The following RNF150 variants were observed in gnomAD, a reference collection of about 807,000 sequenced individuals.
RNF150 encodes the protein ring finger protein 150.
A neutral mutation model predicts 39.3 loss-of-function variants in RNF150; 24 were observed. That is an observed-to-expected ratio of 0.61 (90% CI 0.44 to 0.86). The LOEUF is 0.86. Ranked by LOEUF, RNF150 falls within the 40% of genes least tolerant of loss-of-function variation. The probability of loss-of-function intolerance (pLI) is 0.00; values close to 1 mark genes in which losing one functional copy is unlikely to be tolerated. For synonymous variants in RNF150, 255 were observed against 227.3 expected (o/e 1.12, Z -1.10); for missense variants, 502 against 587.8 (o/e 0.85, Z 1.51).
At chr4:141,180,761 C>T (rs1406444730) in intron 1 of RNF150, among the ~76,000 whole-genome samples, 2 of 152,242 alleles carry the variant, frequency 1.3e-5, no homozygotes, top group South Asian at 2.1e-4. Context: ...CAAAAGACTT[C>T]ATCTTTCTTT....
At position 141,133,115 on chromosome 4, in the gene RNF150, T is replaced by C; in HGVS notation, c.-307A>G. 1 of 317,208 alleles carries C rather than the reference T, an allele frequency of 3.2e-6. No individual in the cohort carries two copies. The highest frequency in any genetic ancestry group is 5.9e-6 in the Non-Finnish European group (1 of 170,318). The allele number at this position is 317,208 out of a possible 1,614,324, so 19.6% of individuals were successfully genotyped here. ...GTCCTGCTGCCGAGCGTCCTGCTCC[T>C]TCGCCCGGCTTCGCCTTCTCTCATA... On this transcript the variant is annotated 5_prime_UTR_variant, in exon 1 of 7. Transcript: ENST00000515673.
chr4:140,872,336 T>C (rs1728979668), intron 6 of RNF150, among the ~76,000 whole-genome samples: 1 of 152,260 alleles, frequency 6.6e-6, no homozygotes, highest in South Asian at 2.1e-4. Flanking sequence ...CACTCTTTGA[T>C]GTAGGTATTT....
At chr4:140,949,434 T>C in intron 2 of RNF150, 62 bp from the exon 3 acceptor site, 2 of 1,346,828 alleles carry the variant, frequency 1.5e-6, no homozygotes, top group Middle Eastern at 1.8e-4. Flanking sequence ...TCATTTCTGA[T>C]ATCATTTAAT....
At chr4:140,909,971 C>T (rs1443736171) in intron 6 of RNF150, among the ~76,000 whole-genome samples, 1 of 152,118 alleles carries the variant, frequency 6.6e-6, no homozygotes, top group Non-Finnish European at 1.5e-5. Context: ...TGGATCATCT[C>T]AACTATATAA....
intron 4 of RNF150, among the ~76,000 whole-genome samples, chr4:140,946,901 G>T (rs1415231873): frequency 2.0e-5 from 3 of 151,996 alleles, no homozygotes; most frequent in Non-Finnish European, 4.4e-5. Flanking sequence ...TTACACAGAT[G>T]CAAAAAACAC....
chr4:140,937,582 A>G (rs971784408), intron 4 of RNF150, among the ~76,000 whole-genome samples: 1 of 152,166 alleles, frequency 6.6e-6, no homozygotes, highest in African/African-American at 2.4e-5. Flanking sequence ...AATAATTTCT[A>G]AAGTTTTTAA....
rs947425875 is a variant in RNF150 at position 140,867,786 on chromosome 4, G to A, written c.*475C>T. The A allele has an allele frequency of 6.5e-6, 1 of 154,004 alleles. No individual in the cohort carries two copies. Among genetic ancestry groups the A allele is most frequent in the Non-Finnish European group, 1.4e-5 (1 of 69,398 alleles). The allele number at this position is 154,004 out of a possible 1,614,324, so 9.5% of individuals were successfully genotyped here. On this transcript the variant is annotated 3_prime_UTR_variant, in exon 7 of 7. Coordinates refer to ENST00000515673, the MANE Select transcript of RNF150 (RefSeq NM_020724.2). ...TACAAACTGATCATAGCAGGAACTG[G>A]TGCTTCTAAACAGAAACCTATACAA... is the stretch of plus-strand genomic sequence containing the variant.
At chr4:141,054,162 T>C (rs976264267) in intron 1 of RNF150, among the ~76,000 whole-genome samples, 1 of 152,212 alleles carries the variant, frequency 6.6e-6, no homozygotes, top group African/African-American at 2.4e-5. Flanking sequence ...AATTGCATTT[T>C]CTATTTTGTT....
chr4:140,916,094 A>G (rs945033914), intron 5 of RNF150, among the ~76,000 whole-genome samples: 1 of 151,822 alleles, frequency 6.6e-6, no homozygotes, highest in Non-Finnish European at 1.5e-5. Flanking sequence ...AAAGATGGGG[A>G]AAAAACGGAG....
Position 140,870,456 on chromosome 4 carries a change from A to ATG in RNF150, c.1199-2079_1199-2078dup, listed in dbSNP as rs36234235. On this transcript the variant is annotated intron_variant, in intron 6 of 6. Coordinates refer to ENST00000515673, the MANE Select transcript of RNF150 (RefSeq NM_020724.2). ...TCTCCCATCTTCATTTTGTGCGTGT[A>ATG]TGTGTGTGTGTGTGTGTGTGTGTGT... is the stretch of plus-strand genomic sequence containing the variant. Among the ~76,000 whole-genome samples, 1,475 of 147,768 alleles carry ATG rather than the reference A, an allele frequency of 1.0e-2. 12 individuals are homozygous for ATG. Among genetic ancestry groups the ATG allele is most frequent in the Middle Eastern group, 0.031 (9 of 286 alleles).
At chr4:140,957,756 T>G (rs982013035) in intron 2 of RNF150, among the ~76,000 whole-genome samples, 9 of 152,118 alleles carry the variant, frequency 5.9e-5, no homozygotes, top group African/African-American at 2.2e-4. Context: ...TGTAGGGACA[T>G]GGATGAAATT....
intron 1 of RNF150, among the ~76,000 whole-genome samples, chr4:141,158,915 A>G (rs1333480639): frequency 6.6e-6 from 1 of 152,082 alleles, no homozygotes; most frequent in Admixed American, 6.6e-5. Context: ...CTTTTTGTTA[A>G]GTTTATGTTA....
rs1417960617 is a variant in RNF150, at chr4:140,919,218, T to G, written c.987+6759A>C. On this transcript the variant is annotated intron_variant, in intron 5 of 6. Coordinates refer to ENST00000515673, the MANE Select transcript of RNF150 (RefSeq NM_020724.2). ...AGGCAGGAGAAGGAAATAAAGGGTATTCAATTAGGAAAAGAGGAAGTCAAA... is the reference window on the plus strand; with the variant it reads ...AGGCAGGAGAAGGAAATAAAGGGTAGTCAATTAGGAAAAGAGGAAGTCAAA... Among the ~76,000 whole-genome samples the G allele has an allele frequency of 9.1e-5, 13 of 143,322 alleles. 1 individual carries two copies. Among genetic ancestry groups the G allele is most frequent in the African/African-American group, 2.6e-5 (1 of 38,704 alleles). The allele number at this position is 143,322 out of a possible 152,430, so 94.0% of individuals were successfully genotyped here.
intron 1 of RNF150, among the ~76,000 whole-genome samples, chr4:140,999,251 G>C (rs752737135): frequency 2.0e-5 from 3 of 152,162 alleles, no homozygotes; most frequent in Non-Finnish European, 4.4e-5. Context: ...ACTAAAACAC[G>C]CATTTCTCCA....
intron 6 of RNF150, among the ~76,000 whole-genome samples, chr4:140,895,395 A>AC (rs1432868765): frequency 6.6e-6 from 1 of 152,242 alleles, no homozygotes; most frequent in African/African-American, 2.4e-5. Flanking sequence ...CAAAGTCCCC[A>AC]CAATATGCCT....
intron 2 of RNF150, among the ~76,000 whole-genome samples, chr4:140,953,525 T>C (rs568381794): frequency 0.059 from 2,572 of 43,490 alleles, 32 homozygotes; most frequent in Non-Finnish European, 0.1. Flanking sequence ...ATAAAAGATT[T>C]TTTTTTTTTT....
rs574790147 is a variant in RNF150 at position 141,192,065 on chromosome 4, G to A, written c.-6+20729C>T. Among the ~76,000 whole-genome samples, 213 of 152,220 alleles carry A rather than the reference G, an allele frequency of 1.4e-3. 2 individuals are homozygous for A. The highest frequency in any genetic ancestry group is 4.8e-3 in the African/African-American group (198 of 41,524). On this transcript the variant is annotated intron_variant, in intron 1 of 7. Transcript: ENST00000420921. ...GTCAAGATTTACCCAACATTATTAT[G>A]GCTTCCTCTCTTACAGCAGCAGTGA...
chr4:141,198,314 A>C (rs2111212621), intron 1 of RNF150, among the ~76,000 whole-genome samples: 1 of 152,338 alleles, frequency 6.6e-6, no homozygotes, highest in East Asian at 1.9e-4. Flanking sequence ...GCCATGAGCC[A>C]CCATGCCCAG....
chr4:140,920,329 A>G (rs1175663246), intron 5 of RNF150, among the ~76,000 whole-genome samples: 1 of 112,346 alleles, frequency 8.9e-6, no homozygotes, highest in African/African-American at 3.1e-5. Flanking sequence ...ATGAACTCAA[A>G]CAAATTTACA....
Sources: gnomAD v4.1 joint callset for allele counts (sites outside exome capture counted in the v4.1 genomes callset) on GRCh38, gnomAD v4.1.1 for gene constraint, MANE v1.5 for transcripts, NCBI Gene and HGNC (gene_info 2026-07-23, HGNC 2026-07-21) for gene names.